The following PIAS2 variants were observed in gnomAD, a reference collection of about 807,000 sequenced individuals.
The protein encoded by PIAS2 is E3 SUMO-protein ligase PIAS2.
PIAS2 carries 19 observed loss-of-function variants against 69.7 expected under a neutral mutation model. That is an observed-to-expected ratio of 0.27 (90% CI 0.19 to 0.40). The LOEUF is 0.40. PIAS2 is among the 10% of genes least tolerant of loss of function. The pLI is 1.00. For missense variants in PIAS2, 624 were observed against 757.0 expected, an observed-to-expected ratio of 0.82 and a Z score of 2.06; for synonymous variants, 261 against 263.2, an observed-to-expected ratio of 0.99 and a Z score of 0.08.
chr18:46,900,255 C>T (rs1370303417), intron 1 of PIAS2, among the ~76,000 whole-genome samples: 2 of 151,636 alleles, frequency 1.3e-5, no homozygotes, highest in Admixed American at 6.6e-5. Flanking sequence ...CCCAGCTACT[C>T]GGGAGGCTGA....
In PIAS2 at chr18:46,917,313, C is replaced by G. The variant is rs2058087409; in HGVS notation, c.24+9G>C. On this transcript the variant is annotated intron_variant, in intron 1 of 13. Transcript: ENST00000585916. ...TCCCCCGCGGCCTCCGCTCTCCACT[C>G]CCGCTTACCCTCAACTCTTCGAAAT... 1.2e-5 allele frequency: 17 copies of G among 1,478,156 alleles called. No homozygotes were observed. The highest frequency in any genetic ancestry group is 1.5e-5 in the Non-Finnish European group (17 of 1,110,618). The allele number at this position is 1,478,156 out of a possible 1,614,324, so 91.6% of individuals were successfully genotyped here.
chr18:46,909,537 C>G (rs570406353), intron 1 of PIAS2, among the ~76,000 whole-genome samples: 170 of 152,296 alleles, frequency 1.1e-3, no homozygotes, highest in African/African-American at 3.8e-3. Flanking sequence ...CGTGAGCTAC[C>G]ATGCCCAACC....
chr18:46,913,644 T>A (rs114552666), intron 1 of PIAS2, among the ~76,000 whole-genome samples: 126 of 152,072 alleles, frequency 8.3e-4, no homozygotes, highest in African/African-American at 2.9e-3. Context: ...TTAACCAGGT[T>A]AAAGTGTAGC....
chr18:46,811,386 C>T lies in PIAS2; in HGVS notation c.*1047G>A, dbSNP rs933165818. On this transcript the variant is annotated 3_prime_UTR_variant, in exon 14 of 14. Transcript: ENST00000585916. ...TCTAAAACACATTTTCTATGTAGTGCTACCAAAATACAAAGTTTCATCAAA... is the reference window on the plus strand; with the variant it reads ...TCTAAAACACATTTTCTATGTAGTGTTACCAAAATACAAAGTTTCATCAAA... 2 of 152,022 alleles carry T rather than the reference C, an allele frequency of 1.3e-5. No individual in the cohort carries two copies. 9.4% of individuals were successfully genotyped at this position (152,022 alleles called of 1,614,324 possible).
chr18:46,847,703 T>G (rs1297628775), intron 5 of PIAS2, among the ~76,000 whole-genome samples: 3 of 152,048 alleles, frequency 2.0e-5, no homozygotes, highest in African/African-American at 7.2e-5. Context: ...AGGATGGTCT[T>G]GATCTCCTGA....
At chr18:46,901,890 C>T (rs1012992861) in intron 1 of PIAS2, among the ~76,000 whole-genome samples, 3 of 152,190 alleles carry the variant, frequency 2.0e-5, no homozygotes, top group African/African-American at 7.2e-5. Flanking sequence ...ACTATCACCC[C>T]TCATTCAACA....
At chr18:46,895,539 C>T (rs1448517383) in intron 1 of PIAS2, among the ~76,000 whole-genome samples, 1 of 152,018 alleles carries the variant, frequency 6.6e-6, no homozygotes, top group Non-Finnish European at 1.5e-5. Context: ...GGTGTGGTGT[C>T]TCGCACCTGT....
chr18:46,840,344 T>C (rs979127270), intron 8 of PIAS2, among the ~76,000 whole-genome samples: 1 of 152,206 alleles, frequency 6.6e-6, no homozygotes, highest in Non-Finnish European at 1.5e-5. Flanking sequence ...TAACCCACGT[T>C]AAACATCACT....
intron 3 of PIAS2, among the ~76,000 whole-genome samples, chr18:46,855,880 T>C (rs116464755): frequency 7.9e-4 from 120 of 151,954 alleles, no homozygotes; most frequent in Middle Eastern, 6.8e-3. Context: ...TTTATTTCAA[T>C]AGACATCAAA....
At chr18:46,821,944 C>A (rs1032436608) in intron 11 of PIAS2, among the ~76,000 whole-genome samples, 1 of 152,104 alleles carries the variant, frequency 6.6e-6, no homozygotes, top group Non-Finnish European at 1.5e-5. Context: ...TGCATTTTCT[C>A]TTAGCCCAGG....
At chr18:46,836,220 C>A in intron 9 of PIAS2, 137 bp downstream of exon 9, 1 of 674,962 alleles carries the variant, frequency 1.5e-6, no homozygotes, top group East Asian at 2.6e-5. Flanking sequence ...AGGTATAAGA[C>A]GGAAAACATA....
intron 1 of PIAS2, chr18:46,891,786 T>C (rs946589003): frequency 1.5e-5 from 3 of 196,368 alleles, no homozygotes; most frequent in African/African-American, 7.1e-5. Flanking sequence ...TACTGGCTTG[T>C]GCTTGGGCGT....
rs536051034 is a variant in PIAS2, at chr18:46,917,428, C to T, written c.-83G>A. On this transcript the variant is annotated 5_prime_UTR_variant, in exon 1 of 14. Coordinates refer to ENST00000585916, the MANE Select transcript of PIAS2 (RefSeq NM_004671.5). ...AACGACGCTGCCGCCACCACGGCCG[C>T]CGCCGCCTCCAGCACCATCCTGCAC... 3.8e-4 allele frequency: 521 copies of T among 1,364,904 alleles called. 5 individuals carry two copies. In the African/African-American group the frequency reaches 7.6e-3, roughly 20 times the overall value. The allele number at this position is 1,364,904 out of a possible 1,614,324, so 84.5% of individuals were successfully genotyped here.
chr18:46,837,359 A>G (rs2044601329), intron 8 of PIAS2, among the ~76,000 whole-genome samples: 1 of 152,188 alleles, frequency 6.6e-6, no homozygotes, highest in Non-Finnish European at 1.5e-5. Flanking sequence ...TTTAAGTGGT[A>G]GTTGAGCCTC....
intron 2 of PIAS2, among the ~76,000 whole-genome samples, chr18:46,872,852 C>G (rs995136356): frequency 1.3e-5 from 2 of 152,202 alleles, no homozygotes; most frequent in Non-Finnish European, 2.9e-5. Context: ...GCCTGACTTT[C>G]TCCTATGGAC....
At chr18:46,917,187 C>A (rs1237021912) in intron 1 of PIAS2, 135 bp downstream of exon 1, 12 of 1,186,302 alleles carry the variant, frequency 1.0e-5, no homozygotes, top group Non-Finnish European at 1.3e-5. Flanking sequence ...GGCGCCCGTT[C>A]GTCCGCGGGC....
chr18:46,820,652 CAAG>C (rs201833502), intron 12 of PIAS2, among the ~76,000 whole-genome samples: 2,292 of 151,914 alleles, frequency 0.015, 45 homozygotes, highest in African/African-American at 0.048. Flanking sequence ...ATAAAGAAAC[CAAG>C]AAGAAGTCTC....
At chr18:46,830,867 A>G (rs1201298562) in intron 9 of PIAS2, among the ~76,000 whole-genome samples, 2 of 152,210 alleles carry the variant, frequency 1.3e-5, no homozygotes, top group African/African-American at 2.4e-5. Flanking sequence ...TTACTCTGAT[A>G]ATAAAACCAG....
At chr18:46,818,329 A>G in intron 12 of PIAS2, 4 of 1,466,266 alleles carry the variant, frequency 2.7e-6, no homozygotes, top group Non-Finnish European at 3.6e-6. Context: ...TCCTTGAAAT[A>G]AGCTGTTTTC....
Sources: allele counts gnomAD v4.1 joint callset (sites outside exome capture counted in the v4.1 genomes callset), GRCh38; gene constraint gnomAD v4.1.1; transcripts MANE v1.5; gene names NCBI Gene and HGNC (gene_info 2026-07-23, HGNC 2026-07-21).